Variants in XRCC4 observed in about 807,000 individuals in gnomAD.
XRCC4 encodes the protein X-ray repair cross complementing 4.
A neutral mutation model predicts 39.1 loss-of-function variants in XRCC4; 28 were observed. The observed-to-expected ratio is 0.72, with a 90% CI of 0.53 to 0.98. XRCC4 has a LOEUF of 0.98. Among genes scored for constraint, XRCC4 ranks in the 50% least tolerant of loss-of-function variants. The pLI, the probability that XRCC4 is intolerant of heterozygous loss-of-function variation, is 0.00. For missense variants in XRCC4, 350 were observed against 376.4 expected (o/e 0.93, Z 0.58); for synonymous variants, 123 against 126.4 (o/e 0.97, Z 0.18).
At chr5:83,272,174 G>T (rs1323326685) in intron 7 of XRCC4, among the ~76,000 whole-genome samples, 1 of 152,046 alleles carries the variant, frequency 6.6e-6, no homozygotes, top group Non-Finnish European at 1.5e-5. Flanking sequence ...TTTTTCTTCT[G>T]CAAGCTAAAA....
intron 7 of XRCC4, among the ~76,000 whole-genome samples, chr5:83,281,129 G>A (rs904971624): frequency 1.3e-5 from 2 of 152,146 alleles, no homozygotes; most frequent in Non-Finnish European, 2.9e-5. Context: ...ATATAAGGTA[G>A]GAGACCTGGG....
intron 7 of XRCC4, among the ~76,000 whole-genome samples, chr5:83,305,212 A>T (rs1163032603): frequency 6.6e-6 from 1 of 152,122 alleles, no homozygotes; most frequent in African/African-American, 2.4e-5. Context: ...ATCTTACATC[A>T]GTGTGGTATA....
chr5:83,146,673 T>C (rs951317618), intron 3 of XRCC4, among the ~76,000 whole-genome samples: 2 of 152,210 alleles, frequency 1.3e-5, no homozygotes, highest in Non-Finnish European at 2.9e-5. Context: ...TAGAAGACGT[T>C]CAGCAAATAT....
intron 1 of XRCC4, among the ~76,000 whole-genome samples, chr5:83,100,967 G>T (rs1305355958): frequency 1.3e-5 from 2 of 151,990 alleles, no homozygotes; most frequent in Non-Finnish European, 2.9e-5. Context: ...CTTATTGTAG[G>T]AGAAAATTTT....
intron 7 of XRCC4, among the ~76,000 whole-genome samples, chr5:83,298,121 C>G (rs1176755782): frequency 6.6e-6 from 1 of 151,448 alleles, no homozygotes; most frequent in Non-Finnish European, 1.5e-5. Flanking sequence ...ATAAGTTCAA[C>G]AAAGTCGTAA....
At chr5:83,176,179 GTTGTTAC>G (rs1749948355) in intron 3 of XRCC4, among the ~76,000 whole-genome samples, 1 of 152,138 alleles carries the variant, frequency 6.6e-6, no homozygotes, top group South Asian at 2.1e-4. Context: ...GTTTGTTATG[GTTGTTAC>G]TTAGACATAA....
At chr5:83,134,775 C>T (rs1301706014) in intron 3 of XRCC4, among the ~76,000 whole-genome samples, 3 of 152,118 alleles carry the variant, frequency 2.0e-5, no homozygotes, top group Non-Finnish European at 2.9e-5. Context: ...TTCGCTCTGC[C>T]TTTATGAGCT....
chr5:83,302,240 A>C (rs1405915669), intron 7 of XRCC4, among the ~76,000 whole-genome samples: 1 of 151,028 alleles, frequency 6.6e-6, no homozygotes, highest in Non-Finnish European at 1.5e-5. Flanking sequence ...CTGGTGTTCC[A>C]GGAGCCAATG....
At chr5:83,234,305 G>T (rs1752607730) in intron 6 of XRCC4, among the ~76,000 whole-genome samples, 1 of 152,110 alleles carries the variant, frequency 6.6e-6, no homozygotes, top group Non-Finnish European at 1.5e-5. Context: ...GTGGCTTACT[G>T]CTGAAATCAC....
chr5:83,077,705 C>T (rs927161351), intron 1 of XRCC4, 90 bp downstream of exon 1: 1 of 212,482 alleles, frequency 4.7e-6, no homozygotes, highest in African/African-American at 2.3e-5. Context: ...TAAAAAAGTT[C>T]CCTGCTACTT....
At chr5:83,370,438 A>G in the XRCC4 span, among the ~76,000 whole-genome samples, 1 of 152,208 alleles carries the variant, frequency 6.6e-6, no homozygotes, top group African/African-American at 2.4e-5. Flanking sequence ...TAAAGTTCCC[A>G]GGAACAGAGA....
At chr5:83,358,181 T>C (rs1304800174), downstream of XRCC4, among the ~76,000 whole-genome samples, 5 of 152,164 alleles carry the variant, frequency 3.3e-5, no homozygotes, top group Non-Finnish European at 5.9e-5. Flanking sequence ...TTTCTCCGTA[T>C]CTTGATTACT....
chr5:83,212,973 C>T (rs978108743), intron 6 of XRCC4, among the ~76,000 whole-genome samples: 1 of 135,230 alleles, frequency 7.4e-6, no homozygotes, highest in African/African-American at 2.7e-5. Context: ...CAAAAAGATA[C>T]ATTGAGACAC....
intron 7 of XRCC4, among the ~76,000 whole-genome samples, chr5:83,294,096 C>T (rs1580475009): frequency 6.6e-6 from 1 of 151,598 alleles, no homozygotes; most frequent in South Asian, 2.1e-4. Flanking sequence ...GCTTTAAATA[C>T]TCTGAGTACT....
intron 7 of XRCC4, among the ~76,000 whole-genome samples, chr5:83,329,980 T>C (rs1453554311): frequency 3.3e-5 from 5 of 152,078 alleles, no homozygotes; most frequent in African/African-American, 1.2e-4. Context: ...TGTGCTTAAG[T>C]AGGAGAATGT....
intron 1 of XRCC4, among the ~76,000 whole-genome samples, chr5:83,079,789 CT>C (rs1744852557): frequency 6.6e-6 from 1 of 152,156 alleles, no homozygotes; most frequent in African/African-American, 2.4e-5. Context: ...CCGCCTCGGC[CT>C]CCCAAAGTGC....
intron 1 of XRCC4, among the ~76,000 whole-genome samples, chr5:83,103,653 A>T (rs1746061667): frequency 6.6e-6 from 1 of 152,196 alleles, no homozygotes; most frequent in Admixed American, 6.5e-5. Context: ...AAGTACCCAG[A>T]TGCCTACCAC....
intron 1 of XRCC4, among the ~76,000 whole-genome samples, chr5:83,100,705 C>T (rs1185661745): frequency 1.3e-5 from 2 of 152,180 alleles, no homozygotes; most frequent in East Asian, 1.9e-4. Context: ...AGTTCCTACA[C>T]CCTCCCATGC....
At chr5:83,299,178 G>T (rs1300111530) in intron 7 of XRCC4, among the ~76,000 whole-genome samples, 1 of 151,812 alleles carries the variant, frequency 6.6e-6, no homozygotes, top group Admixed American at 6.6e-5. Flanking sequence ...TTTGATTTTT[G>T]GAAAAAATTC....
Sources: allele counts gnomAD v4.1 joint callset (sites outside exome capture counted in the v4.1 genomes callset), GRCh38; gene constraint gnomAD v4.1.1; transcripts MANE v1.5; gene names NCBI Gene and HGNC (gene_info 2026-07-23, HGNC 2026-07-21).